The following OSR2 variants were observed in gnomAD, a reference collection of about 807,000 sequenced individuals.
OSR2 encodes the protein protein odd-skipped-related 2.
Under a neutral mutation model 22.3 loss-of-function variants are expected in OSR2, and 8 were observed. That is an observed-to-expected ratio of 0.36 (90% CI 0.21 to 0.65). The LOEUF (loss-of-function observed/expected upper bound fraction) is 0.65, where lower values mean the gene tolerates loss of function less well. Ranked by LOEUF, OSR2 falls within the 30% of genes least tolerant of loss-of-function variation. The pLI is 0.66. For missense variants in OSR2, 311 were observed against 413.4 expected, an observed-to-expected ratio of 0.75 and a Z score of 2.15; for synonymous variants, 179 against 173.8, an observed-to-expected ratio of 1.03 and a Z score of -0.23.
At position 98,951,565 on chromosome 8, in the gene OSR2, G is replaced by A; in HGVS notation, c.803G>A (p.Arg268Lys). 1 of 1,612,500 alleles carries A rather than the reference G, an allele frequency of 6.2e-7. No individual in the cohort carries two copies. Among genetic ancestry groups the A allele is most frequent in the Non-Finnish European group, 8.5e-7 (1 of 1,179,252 alleles). ...ACATGTGGAAGAACCTTTAATCAGA[G>A]AAGTAATCTGAAAACTCACCTTCTC... ...CPTCGRTFNQ[R>K]SNLKTHLLTH... The change falls in exon 4 of 4, where the codon AGA (arginine) becomes AAA (lysine). Residue 268 changes from arginine to lysine, a missense_variant. Arg to Lys is a conservative substitution (Grantham distance 26, BLOSUM62 2). Around this residue, in one of 5 missense-constraint regions of OSR2, gnomAD observed 70 missense variants for 84.5 expected, o/e 0.83. Coordinates refer to ENST00000297565, the MANE Select transcript of OSR2 (RefSeq NM_001142462.3).
chr8:98,951,827 C>A lies in OSR2; in HGVS notation c.*126C>A. The A allele has an allele frequency of 1.1e-6, 1 of 903,696 alleles. No individual in the cohort carries two copies. The highest frequency in any genetic ancestry group is 1.6e-6 in the Non-Finnish European group (1 of 611,730). The allele number at this position is 903,696 out of a possible 1,614,324, so 56.0% of individuals were successfully genotyped here. On this transcript the variant is annotated 3_prime_UTR_variant, in exon 4 of 4. Coordinates refer to ENST00000297565, the MANE Select transcript of OSR2 (RefSeq NM_001142462.3). ...CAGCTCTTCCCTTGCTGCAGCCGCA[C>A]CTGCAGCTCCAGGGAGTTAACTCTT...
chr8:98,948,552 A>C lies in OSR2; in HGVS notation c.-114-287A>C. 1 of 1,266,258 alleles carries C rather than the reference A, an allele frequency of 7.9e-7. No homozygotes were observed. Among genetic ancestry groups the C allele is most frequent in the Non-Finnish European group, 1.0e-6 (1 of 952,670 alleles). 78.4% of individuals were successfully genotyped at this position (1,266,258 alleles called of 1,614,324 possible). A position where few individuals can be genotyped will look rare whatever the true frequency, so the allele number is the denominator to read the frequency against. The stretch of plus-strand genomic sequence containing the variant: ...GCTGTCCGCCTTTCGTTTTCCTGGG[A>C]CCGAGGAGTCTTCCGCTCCGTATCT... On this transcript the variant is annotated intron_variant, in intron 1 of 3. Coordinates refer to ENST00000297565, the MANE Select transcript of OSR2 (RefSeq NM_001142462.3). This position sits in a 1 kb window ranked among gnomAD's most constrained non-coding sequence, Gnocchi z 6.0.
intron 1 of OSR2, among the ~76,000 whole-genome samples, chr8:98,947,880 C>G (rs1028692790): frequency 1.3e-5 from 2 of 152,214 alleles, no homozygotes; most frequent in African/African-American, 2.4e-5. Flanking sequence ...TCTCTCCTCT[C>G]TCGTCTCCTG....
rs747395541 is a variant in OSR2 at position 98,951,469 on chromosome 8, G to C, written c.757-50G>C. ...TAAGACAGAAACTATTGAAAAGGGT[G>C]CAGTGGTGGTGTGAAGGATTAATCC... On this transcript the variant is annotated intron_variant, in intron 3 of 3. Transcript: ENST00000297565. The C allele has an allele frequency of 8.4e-5, 125 of 1,492,004 alleles. No homozygotes were observed. The Middle Eastern group carries it at 1.0e-3, about 12-fold the overall frequency. The allele number at this position is 1,492,004 out of a possible 1,614,324, so 92.4% of individuals were successfully genotyped here. A position where few individuals can be genotyped will look rare whatever the true frequency, so the allele number is the denominator to read the frequency against.
intron 1 of OSR2, among the ~76,000 whole-genome samples, chr8:98,947,600 C>A (rs978842119): frequency 6.6e-6 from 1 of 152,134 alleles, no homozygotes; most frequent in African/African-American, 2.4e-5. Context: ...AAGGTGGGCC[C>A]GCTGTGAATG....
chr8:98,949,693 A>G lies in OSR2; in HGVS notation c.656+85A>G. 6.8e-7 allele frequency: 1 copy of G among 1,460,718 alleles called. No homozygotes were observed. Among genetic ancestry groups the G allele is most frequent in the Non-Finnish European group, 9.3e-7 (1 of 1,079,362 alleles). The allele number at this position is 1,460,718 out of a possible 1,614,324, so 90.5% of individuals were successfully genotyped here. A position where few individuals can be genotyped will look rare whatever the true frequency, so the allele number is the denominator to read the frequency against. ...AGTCCTGATAGACATTCCCAGTGTC[A>G]TTATAATCCCCTGTGATCTAAAATA... On this transcript the variant is annotated intron_variant, in intron 2 of 3. Coordinates refer to ENST00000297565, the MANE Select transcript of OSR2 (RefSeq NM_001142462.3). The surrounding 1 kb of genome is among the most constrained non-coding windows in gnomAD (Gnocchi z 5.9).
At position 98,951,660 on chromosome 8, in the gene OSR2, C is replaced by A; in HGVS notation, c.898C>A (p.Arg300=). 1 of 1,613,830 alleles carries A rather than the reference C, an allele frequency of 6.2e-7. No individual in the cohort carries two copies. Residue 300 remains arginine (R), a synonymous_variant, in exon 4 of 4, where the codon CGG becomes AGG. Transcript: ENST00000297565. ...GKVFRRNCDL[R]RHSLTHTPRQ... Reference sequence around the variant, plus strand: ...AGTGTTCAGGCGAAACTGTGATCTGCGGCGGCACAGCCTGACTCACACCCC... The same window carrying A: ...AGTGTTCAGGCGAAACTGTGATCTGAGGCGGCACAGCCTGACTCACACCCC...
Position 98,949,598 on chromosome 8 carries a change from C to A in OSR2, c.646C>A (p.Arg216=). 6.2e-7 allele frequency: 1 copy of A among 1,609,466 alleles called. No individual in the cohort carries two copies. Among genetic ancestry groups the A allele is most frequent in the Non-Finnish European group, 8.5e-7 (1 of 1,176,710 alleles). ...GGCCTTCCGGAGGCAAGATCACCTG[C>A]GGGATCACAGGTGAGGCGGGCAAGG... ...HKAFRRQDHL[R]DHRYIHSKEK... Residue 216 remains arginine (R), a synonymous_variant, in exon 2 of 4, where the codon CGG becomes AGG. Coordinates refer to ENST00000297565, the MANE Select transcript of OSR2 (RefSeq NM_001142462.3). This position sits in a 1 kb window ranked among gnomAD's most constrained non-coding sequence, Gnocchi z 5.9.
At chr8:98,950,237 G>C (rs917799791) in intron 2 of OSR2, among the ~76,000 whole-genome samples, 7 of 152,054 alleles carry the variant, frequency 4.6e-5, no homozygotes, top group Admixed American at 2.0e-4. Context: ...ATCTTTTCTG[G>C]ACTCTACCTG....
At chr8:98,946,167 A>T (rs193154347) in intron 1 of OSR2, 11 of 152,370 alleles carry the variant, frequency 7.2e-5, no homozygotes, top group African/African-American at 2.4e-4. Context: ...AGCTCCACCA[A>T]CATATTTATG....
chr8:98,948,538 T>TTCG lies in OSR2; in HGVS notation c.-114-299_-114-297dup. On this transcript the variant is annotated intron_variant, in intron 1 of 3. Coordinates refer to ENST00000297565, the MANE Select transcript of OSR2 (RefSeq NM_001142462.3). This position sits in a 1 kb window ranked among gnomAD's most constrained non-coding sequence, Gnocchi z 6.0. Reference sequence around the variant, plus strand: ...CTGGGTGCTGCCCGGCTGTCCGCCTTTCGTTTTCCTGGGACCGAGGAGTCT... The same window carrying TTCG: ...CTGGGTGCTGCCCGGCTGTCCGCCTTTCGTCGTTTTCCTGGGACCGAGGAGTCT... The TTCG allele has an allele frequency of 7.5e-7, 1 of 1,336,704 alleles. No homozygotes were observed. 82.8% of individuals were successfully genotyped at this position (1,336,704 alleles called of 1,614,324 possible). A position where few individuals can be genotyped will look rare whatever the true frequency, so the allele number is the denominator to read the frequency against.
Position 98,944,545 on chromosome 8 carries a change from C to T in OSR2, c.-393C>T, listed in dbSNP as rs759968661. On this transcript the variant is annotated 5_prime_UTR_variant, in exon 1 of 4. Coordinates refer to ENST00000297565, the MANE Select transcript of OSR2 (RefSeq NM_001142462.3). ...CTCCGACCTCACCGGGAGTCGACAG[C>T]GAGAGGTTCGCCGAAGAGCGAGGTT... 1 of 152,270 alleles carries T rather than the reference C, an allele frequency of 6.6e-6. No homozygotes were observed. The highest frequency in any genetic ancestry group is 1.5e-5 in the Non-Finnish European group (1 of 68,100). The allele number at this position is 152,270 out of a possible 1,614,324, so 9.4% of individuals were successfully genotyped here.
Position 98,951,772 on chromosome 8 carries a change from G to C in OSR2, c.*71G>C. The C allele has an allele frequency of 6.7e-7, 1 of 1,488,332 alleles. No individual in the cohort carries two copies. The highest frequency in any genetic ancestry group is 9.0e-7 in the Non-Finnish European group (1 of 1,107,524). The allele number at this position is 1,488,332 out of a possible 1,614,324, so 92.2% of individuals were successfully genotyped here. On this transcript the variant is annotated 3_prime_UTR_variant, in exon 4 of 4. Transcript: ENST00000297565. ...ACACCTCTCCACGTCTCCTACCCAG[G>C]GGGTCGCATCCCTAGCCCTTCACTG...
Position 98,948,090 on chromosome 8 carries a change from G to T in OSR2, c.-114-749G>T. ...GTCGGGGGTTGGGAGGAGAGCCCGT[G>T]GATAGGAGGAGGGGGCGATTCTAGG... On this transcript the variant is annotated intron_variant, in intron 1 of 3. Coordinates refer to ENST00000297565, the MANE Select transcript of OSR2 (RefSeq NM_001142462.3). The surrounding 1 kb of genome is among the most constrained non-coding windows in gnomAD (Gnocchi z 6.0). The T allele has an allele frequency of 2.2e-6, 3 of 1,341,214 alleles. No individual in the cohort carries two copies. The highest frequency in any genetic ancestry group is 2.9e-6 in the Non-Finnish European group (3 of 1,047,502). The allele number at this position is 1,341,214 out of a possible 1,614,324, so 83.1% of individuals were successfully genotyped here. A position where few individuals can be genotyped will look rare whatever the true frequency, so the allele number is the denominator to read the frequency against.
At position 98,949,897 on chromosome 8, in the gene OSR2, G is replaced by A. The variant is rs1407153718; in HGVS notation, c.656+289G>A. Among the ~76,000 whole-genome samples the A allele has an allele frequency of 1.3e-5, 2 of 152,132 alleles. No individual in the cohort carries two copies. Among genetic ancestry groups the A allele is most frequent in the Non-Finnish European group, 2.9e-5 (2 of 68,014 alleles). On this transcript the variant is annotated intron_variant, in intron 2 of 3. Coordinates refer to ENST00000297565, the MANE Select transcript of OSR2 (RefSeq NM_001142462.3). The surrounding 1 kb of genome is among the most constrained non-coding windows in gnomAD (Gnocchi z 5.9). ...GGTTATCCTGTCTCCTCCCGGTGCT[G>A]TGGGGAGTGGTGCAGGCAGAACCCA...
intron 1 of OSR2, among the ~76,000 whole-genome samples, chr8:98,946,695 G>A (rs1840622501): frequency 1.3e-5 from 2 of 152,122 alleles, no homozygotes; most frequent in African/African-American, 2.4e-5. Flanking sequence ...AGAGTTCGCT[G>A]TGCCTTTGGT....
In OSR2 at chr8:98,949,290, G is replaced by T; in HGVS notation, c.338G>T (p.Arg113Leu). Residue 113 changes from arginine to leucine, a missense_variant, in exon 2 of 4, where the codon CGG becomes CTG. Around this residue, in one of 5 missense-constraint regions of OSR2, gnomAD observed 146 missense variants for 160.5 expected, o/e 0.91. Coordinates refer to ENST00000297565, the MANE Select transcript of OSR2 (RefSeq NM_001142462.3). The surrounding 1 kb of genome is among the most constrained non-coding windows in gnomAD (Gnocchi z 5.9). ...AHVLPALHKD[R>L]PRFDFANLAV... The stretch of plus-strand genomic sequence containing the variant: ...GTCCTCCCAGCCCTGCACAAGGACC[G>T]GCCCCGTTTTGACTTTGCCAATTTG... The T allele has an allele frequency of 6.2e-7, 1 of 1,613,344 alleles. No individual in the cohort carries two copies. The highest frequency in any genetic ancestry group is 8.5e-7 in the Non-Finnish European group (1 of 1,179,532).
In OSR2 at chr8:98,949,294, C is replaced by A. The variant is rs2132088529; in HGVS notation, c.342C>A (p.Pro114=). The A allele has an allele frequency of 6.2e-7, 1 of 1,613,526 alleles. No individual in the cohort carries two copies. Among genetic ancestry groups the A allele is most frequent in the Non-Finnish European group, 8.5e-7 (1 of 1,179,610 alleles). ...TCCCAGCCCTGCACAAGGACCGGCCCCGTTTTGACTTTGCCAATTTGGCGG... is the reference window on the plus strand; with the variant it reads ...TCCCAGCCCTGCACAAGGACCGGCCACGTTTTGACTTTGCCAATTTGGCGG... ...HVLPALHKDR[P]RFDFANLAVA... The change falls in exon 2 of 4, where the codon CCC becomes CCA. Residue 114 remains proline, a synonymous_variant. Transcript: ENST00000297565. The surrounding 1 kb of genome is among the most constrained non-coding windows in gnomAD (Gnocchi z 5.9).
intron 1 of OSR2, among the ~76,000 whole-genome samples, chr8:98,945,367 C>G (rs1049184637): frequency 2.0e-5 from 3 of 152,220 alleles, no homozygotes; most frequent in African/African-American, 4.8e-5. Context: ...GCAAACTCCC[C>G]GGGGGCTTAA....
Sources: allele counts gnomAD v4.1 joint callset (sites outside exome capture counted in the v4.1 genomes callset), GRCh38; gene constraint gnomAD v4.1.1; regional missense constraint gnomAD v4.1.1; non-coding constraint Gnocchi (gnomAD v3.1); transcripts MANE v1.5; gene names NCBI Gene and HGNC (gene_info 2026-07-23, HGNC 2026-07-21).